Variants in HCFC1 observed in about 807,000 individuals in gnomAD.
HCFC1 encodes the protein host cell factor 1.
In HCFC1, 7 loss-of-function variants were observed where a neutral mutation model predicts 105.5. That is an observed-to-expected ratio of 0.07 (90% CI 0.04 to 0.12). The LOEUF (loss-of-function observed/expected upper bound fraction) is 0.12. HCFC1 is among the 10% of genes least tolerant of loss of function. The probability of loss-of-function intolerance (pLI) is 1.00; values close to 1 mark genes in which losing one functional copy is unlikely to be tolerated. For missense variants in HCFC1, 1,065 were observed against 1,823.6 expected (o/e 0.58, Z 7.58); for synonymous variants, 918 against 828.1 (o/e 1.11, Z -1.86).
Position 153,971,624 on chromosome X carries a change from T to G in HCFC1, c.-784A>C. Reference sequence around the variant, plus strand: ...TAGCTCCCCGTTCCCCCCTATTCTCTTCCTCCTAGGTCAGTTCTTCCACTG... The same window carrying G: ...TAGCTCCCCGTTCCCCCCTATTCTCGTCCTCCTAGGTCAGTTCTTCCACTG... On this transcript the variant is annotated 5_prime_UTR_variant, in exon 1 of 26. Coordinates refer to ENST00000310441, the MANE Select transcript of HCFC1 (RefSeq NM_005334.3). The G allele has an allele frequency of 3.4e-6, 1 of 293,475 alleles. No individual in the cohort carries two copies. The highest frequency in any genetic ancestry group is 6.0e-6 in the Non-Finnish European group (1 of 167,732). 24.2% of individuals were successfully genotyped at this position (293,475 alleles called of 1,213,427 possible).
At chrX:153,955,883 A>G (rs2065370803) in intron 16 of HCFC1, among the ~76,000 whole-genome samples, 1 of 113,062 alleles carries the variant, frequency 8.8e-6, no homozygotes, top group African/African-American at 3.2e-5. Flanking sequence ...GTTTTCCTTA[A>G]TATGTATGAA....
rs868966130 is a variant in HCFC1, at chrX:153,968,935, G to T, written c.193+1713C>A. On this transcript the variant is annotated intron_variant, in intron 1 of 25. Coordinates refer to ENST00000310441, the MANE Select transcript of HCFC1 (RefSeq NM_005334.3). Reference sequence around the variant, plus strand: ...CTACTGCAGCTGCCTGGGCTGGCGCGGGGCACCACCAACCACCAAGCGCCC... The same window carrying T: ...CTACTGCAGCTGCCTGGGCTGGCGCTGGGCACCACCAACCACCAAGCGCCC... 9.0e-5 allele frequency among the ~76,000 whole-genome samples: 10 copies of T among 111,457 alleles called. No homozygotes were observed. The Admixed American group carries it at 9.4e-4, about 10-fold the overall frequency.
In HCFC1 at chrX:153,954,743, C is replaced by G. The variant is rs1557114047; in HGVS notation, c.3656G>C (p.Arg1219Thr). ...GTCCTTAATGCTTGGGCTGCTCAGCCTGACTTTGCTGCTCAGAGGGGCCAA... is the reference window on the plus strand; with the variant it reads ...GTCCTTAATGCTTGGGCTGCTCAGCGTGACTTTGCTGCTCAGAGGGGCCAA... ...VQLAPLSSKV[R>T]LSSPSIKDLP... The change falls in exon 17 of 26, where the codon AGG becomes ACG. Residue 1219 changes from arginine to threonine, a missense_variant. This residue lies in a region of HCFC1 where 546 missense variants were observed against 599.9 expected (regional missense o/e 0.91). Transcript: ENST00000310441. 3.4e-6 allele frequency: 4 copies of G among 1,176,413 alleles called. No homozygotes were observed. The highest frequency in any genetic ancestry group is 4.6e-6 in the Non-Finnish European group (4 of 878,193).
rs2065535637 is a variant in HCFC1 at position 153,971,606 on chromosome X, C to T, written c.-766G>A. 6.8e-6 allele frequency: 2 copies of T among 294,826 alleles called. No individual in the cohort carries two copies. The highest frequency in any genetic ancestry group is 1.2e-5 in the Non-Finnish European group (2 of 168,603). 24.3% of individuals were successfully genotyped at this position (294,826 alleles called of 1,213,427 possible). A position where few individuals can be genotyped will look rare whatever the true frequency, so the allele number is the denominator to read the frequency against. ...GAGCCGCCATCTTGAGACTAGCTCC[C>T]CGTTCCCCCCTATTCTCTTCCTCCT... On this transcript the variant is annotated 5_prime_UTR_variant, in exon 1 of 26. Coordinates refer to ENST00000310441, the MANE Select transcript of HCFC1 (RefSeq NM_005334.3).
At chrX:153,962,358 C>T in intron 4 of HCFC1, 52 bp from the exon 5 acceptor site, 5 of 918,888 alleles carry the variant, frequency 5.4e-6, no homozygotes, top group South Asian at 2.1e-5. Flanking sequence ...GCACACAGGT[C>T]GTTCCCTGGA....
At position 153,954,581 on chromosome X, in the gene HCFC1, G is replaced by A; in HGVS notation, c.3818C>T (p.Thr1273Ile). 1 of 1,211,144 alleles carries A rather than the reference G, an allele frequency of 8.3e-7. No homozygotes were observed. The highest frequency in any genetic ancestry group is 1.1e-6 in the Non-Finnish European group (1 of 895,004). Residue 1273 changes from threonine to isoleucine, a missense_variant, in exon 17 of 26, where the codon ACA becomes ATA. This residue lies in a region of HCFC1 where 546 missense variants were observed against 599.9 expected (regional missense o/e 0.91). Transcript: ENST00000310441. ...GGGGCACAGCAGTGCCTCCAGGGCTGTCACAGTCACTGTGGTGCTGGGCGA... is the reference window on the plus strand; with the variant it reads ...GGGGCACAGCAGTGCCTCCAGGGCTATCACAGTCACTGTGGTGCTGGGCGA... ...GGSPSTTVTV[T>I]ALEALLCPSA... is the part of the protein sequence containing the mutation.
chrX:153,964,358 T>G, intron 2 of HCFC1, 74 bp from the exon 3 acceptor site: 1 of 1,037,871 alleles, frequency 9.6e-7, no homozygotes, highest in Non-Finnish European at 1.3e-6. Flanking sequence ...CAACTTGTGG[T>G]GGAGGAGGAA....
intron 6 of HCFC1, among the ~76,000 whole-genome samples, chrX:153,960,791 G>A (rs187662937): frequency 7.1e-5 from 8 of 112,436 alleles, no homozygotes; most frequent in African/African-American, 2.6e-4. Flanking sequence ...AACCATCGGC[G>A]CCTGGCATTT....
intron 24 of HCFC1, 95 bp downstream of exon 24, chrX:153,950,148 C>T: frequency 1.1e-6 from 1 of 935,462 alleles, no homozygotes. Context: ...AGACGCCGCA[C>T]ATGGGAAAAA....
In HCFC1 at chrX:153,955,122, T is replaced by TGGTGGC. The variant is rs1557114359; in HGVS notation, c.3271_3276dup (p.Ala1091_Thr1092dup). 8.3e-7 allele frequency: 1 copy of TGGTGGC among 1,206,245 alleles called. No homozygotes were observed. The highest frequency in any genetic ancestry group is 3.0e-5 in the East Asian group (1 of 33,639). ...TGCCCGGCCATGTTGGAGGTGGCGG[T>TGGTGGC]GGTGGCGGTGTTGGTGGTGCCCGTC... On this transcript the variant is annotated inframe_insertion, in exon 17 of 26. Transcript: ENST00000310441.
intron 16 of HCFC1, among the ~76,000 whole-genome samples, chrX:153,955,886 T>C (rs1392595296): frequency 1.8e-5 from 2 of 112,987 alleles, no homozygotes; most frequent in Non-Finnish European, 3.8e-5. Context: ...TTCCTTAATA[T>C]GTATGAACAG....
chrX:153,953,544 G>C (rs1557113252), intron 18 of HCFC1, 63 bp downstream of exon 18: 2 of 1,094,333 alleles, frequency 1.8e-6, no homozygotes, highest in Non-Finnish European at 2.5e-6. Flanking sequence ...TGGCGTCTGA[G>C]TGTGGAACTG....
chrX:153,954,829 G>A lies in HCFC1; in HGVS notation c.3570C>T (p.Gly1190=). 1.7e-6 allele frequency: 2 copies of A among 1,154,969 alleles called. No individual in the cohort carries two copies. Among genetic ancestry groups the A allele is most frequent in the Middle Eastern group, 2.8e-4 (1 of 3,557 alleles). The part of the protein sequence containing the change: ...VMATGAPCSA[G]PLLGPSMARE... ...GTGCCATGCTCGGCCCAAGGAGTGG[G>A]CCGGCCGAGCACGGGGCCCCGGTGG... The change falls in exon 17 of 26, where the codon GGC becomes GGT. Residue 1190 remains glycine, a synonymous_variant. Transcript: ENST00000310441.
Position 153,950,367 on chromosome X carries a change from C to G in HCFC1, c.5880G>C (p.Leu1960=). ...CGTTGGAAAGGCTGGAGGACTGCACCAGGCAGGAGGGGCTGGGCCCGCAGT... is the reference window on the plus strand; with the variant it reads ...CGTTGGAAAGGCTGGAGGACTGCACGAGGCAGGAGGGGCTGGGCCCGCAGT... ...RVYCGPSPSC[L]VQSSSLSNAH... Residue 1960 remains leucine, a synonymous_variant, in exon 24 of 26, where the codon CTG becomes CTC. Coordinates refer to ENST00000310441, the MANE Select transcript of HCFC1 (RefSeq NM_005334.3). 8.3e-7 allele frequency: 1 copy of G among 1,210,955 alleles called. No individual in the cohort carries two copies. Among genetic ancestry groups the G allele is most frequent in the Non-Finnish European group, 1.1e-6 (1 of 895,119 alleles).
intron 1 of HCFC1, chrX:153,969,889 G>A (rs1278024694): frequency 8.9e-6 from 1 of 112,978 alleles, no homozygotes; most frequent in Non-Finnish European, 1.9e-5. Context: ...TTGTAAACCA[G>A]AAGGCACCAG....
In HCFC1 at chrX:153,948,511, CAA is replaced by C. The variant is rs1236998924; in HGVS notation, c.*834_*835del. ...AAAACAAAAACAAAACAAAACAAAA[CAA>C]AAAAAAGAGAAAAGAAAAAAGATTA... is the stretch of plus-strand genomic sequence containing the variant. On this transcript the variant is annotated 3_prime_UTR_variant, in exon 26 of 26. Coordinates refer to ENST00000310441, the MANE Select transcript of HCFC1 (RefSeq NM_005334.3). 2 of 110,956 alleles carry C rather than the reference CAA, an allele frequency of 1.8e-5. No homozygotes were observed. The highest frequency in any genetic ancestry group is 3.3e-5 in the African/African-American group (1 of 30,245). The allele number at this position is 110,956 out of a possible 1,213,427, so 9.1% of individuals were successfully genotyped here. A position where few individuals can be genotyped will look rare whatever the true frequency, so the allele number is the denominator to read the frequency against.
chrX:153,956,549 T>C, intron 15 of HCFC1, 76 bp downstream of exon 15: 1 of 1,160,733 alleles, frequency 8.6e-7, no homozygotes, highest in Non-Finnish European at 1.2e-6. Context: ...CACCCAGCTG[T>C]GCCATGGGGA....
At position 153,961,523 on chromosome X, in the gene HCFC1, G is replaced by A; in HGVS notation, c.904+19C>T. 1 of 1,135,299 alleles carries A rather than the reference G, an allele frequency of 8.8e-7. No individual in the cohort carries two copies. The highest frequency in any genetic ancestry group is 1.2e-6 in the Non-Finnish European group (1 of 829,044). 93.6% of individuals were successfully genotyped at this position (1,135,299 alleles called of 1,213,427 possible). On this transcript the variant is annotated intron_variant, in intron 6 of 25. Transcript: ENST00000310441. ...CCTGCAGCCTCCCACAGGCCACTCG[G>A]AGCCCGAGGAGGCCATACCCAGGTT...
Position 153,951,842 on chromosome X carries a change from C to T in HCFC1, c.5259G>A (p.Glu1753=). ...ACCAATTCGCCCTCAGTCGCTTACT[C>T]TCAGTGGCCGTTGAGGGCAGCAGCG... ...TVALLPSTAT[E]SLAPSNTFVA... The change falls in exon 20 of 26, where the codon GAG becomes GAA. Residue 1753 remains glutamate, a splice_region_variant and synonymous_variant. Coordinates refer to ENST00000310441, the MANE Select transcript of HCFC1 (RefSeq NM_005334.3). 8.4e-7 allele frequency: 1 copy of T among 1,192,238 alleles called. No individual in the cohort carries two copies. Among genetic ancestry groups the T allele is most frequent in the Non-Finnish European group, 1.1e-6 (1 of 884,298 alleles).
Sources: allele counts gnomAD v4.1 joint callset (sites outside exome capture counted in the v4.1 genomes callset), GRCh38; gene constraint gnomAD v4.1.1; regional missense constraint gnomAD v4.1.1; transcripts MANE v1.5; gene names NCBI Gene and HGNC (gene_info 2026-07-23, HGNC 2026-07-21).